RAPGEF6: variants seen among roughly 807,000 people sequenced by gnomAD.
RAPGEF6 encodes the protein Rap guanine nucleotide exchange factor 6.
A neutral mutation model predicts 171.4 loss-of-function variants in RAPGEF6; 56 were observed. That is an observed-to-expected ratio of 0.33 (90% CI 0.26 to 0.41). RAPGEF6 has a LOEUF of 0.41. RAPGEF6 is among the 10% of genes least tolerant of loss of function. The pLI, the probability that RAPGEF6 is intolerant of heterozygous loss-of-function variation, is 1.00. For missense variants in RAPGEF6, 1,674 were observed against 1,921.4 expected (o/e 0.87, Z 2.41); for synonymous variants, 692 against 650.1 (o/e 1.06, Z -0.98).
At chr5:131,519,993 G>A (rs570514967) in intron 7 of RAPGEF6, among the ~76,000 whole-genome samples, 1 of 152,070 alleles carries the variant, frequency 6.6e-6, no homozygotes, top group African/African-American at 2.4e-5. Flanking sequence ...GGAGAACAGG[G>A]AAAAATTCCT....
In RAPGEF6 at chr5:131,430,591, A is replaced by C. The variant is rs1751637687; in HGVS notation, c.4465+268T>G. ...CGATGATATTCCTCAATAAAACCAA[A>C]AAGAACTTAAAAACAAAAGACAAAC... On this transcript the variant is annotated intron_variant, in intron 26 of 27. Coordinates refer to ENST00000509018, the MANE Select transcript of RAPGEF6 (RefSeq NM_016340.6). 2.3e-5 allele frequency: 13 copies of C among 553,970 alleles called. 1 individual carries two copies. The highest frequency in any genetic ancestry group is 2.1e-4 in the South Asian group (13 of 61,182). The allele number at this position is 553,970 out of a possible 1,614,324, so 34.3% of individuals were successfully genotyped here. A position where few individuals can be genotyped will look rare whatever the true frequency, so the allele number is the denominator to read the frequency against.
intron 1 of RAPGEF6, among the ~76,000 whole-genome samples, chr5:131,605,539 C>T (rs996073734): frequency 1.1e-4 from 16 of 152,102 alleles, no homozygotes; most frequent in Non-Finnish European, 2.2e-4. Flanking sequence ...CTTAAATTCG[C>T]TATAAAAAAC....
At position 131,431,022 on chromosome 5, in the gene RAPGEF6, G is replaced by C; in HGVS notation, c.4302C>G (p.Thr1434=). ...CKGSLERKSW[T]SSSSLSDTYE... is the part of the protein sequence containing the mutation. ...ACGTGTCAGACAGAGAACTGGAGGA[G>C]GTCCAACTCTTTCTCTCTAGGCTTC... The change falls in exon 26 of 28, where the codon ACC becomes ACG. Residue 1434 remains threonine (T), a synonymous_variant. Coordinates refer to ENST00000509018, the MANE Select transcript of RAPGEF6 (RefSeq NM_016340.6). 1.9e-6 allele frequency: 3 copies of C among 1,614,152 alleles called. No individual in the cohort carries two copies. The highest frequency in any genetic ancestry group is 1.7e-6 in the Non-Finnish European group (2 of 1,180,022).
intron 12 of RAPGEF6, 114 bp downstream of exon 12, chr5:131,498,329 T>C: frequency 1.0e-6 from 1 of 961,888 alleles, no homozygotes; most frequent in Non-Finnish European, 1.5e-6. Context: ...TTCATTAATT[T>C]TTTTAGGTGT....
At chr5:131,602,181 T>C (rs1417060343) in intron 3 of RAPGEF6, among the ~76,000 whole-genome samples, 1 of 152,236 alleles carries the variant, frequency 6.6e-6, no homozygotes, top group Non-Finnish European at 1.5e-5. Context: ...GATTTCATCA[T>C]GCTAACATCA....
At chr5:131,471,634 G>A (rs143730119) in intron 17 of RAPGEF6, among the ~76,000 whole-genome samples, 108 of 152,000 alleles carry the variant, frequency 7.1e-4, no homozygotes, top group African/African-American at 2.4e-3. Context: ...TCTCAAATCC[G>A]TTAAGTGATG....
chr5:131,551,375 C>T (rs1581011654), intron 5 of RAPGEF6, among the ~76,000 whole-genome samples: 2 of 151,640 alleles, frequency 1.3e-5, no homozygotes, highest in Non-Finnish European at 1.5e-5. Context: ...TAGCCAGGCG[C>T]GGTGGCAGGC....
At chr5:131,530,904 T>A (rs1187127929) in intron 6 of RAPGEF6, among the ~76,000 whole-genome samples, 2 of 152,218 alleles carry the variant, frequency 1.3e-5, no homozygotes, top group East Asian at 3.8e-4. Context: ...TAAACCTTTG[T>A]AGTATAGTGC....
At chr5:131,481,510 G>A (rs753923466) in intron 15 of RAPGEF6, among the ~76,000 whole-genome samples, 2 of 152,074 alleles carry the variant, frequency 1.3e-5, no homozygotes, top group Admixed American at 6.5e-5. Flanking sequence ...GATTACAGGC[G>A]TTAAGCCACC....
chr5:131,480,591 G>A (rs193458), intron 15 of RAPGEF6, among the ~76,000 whole-genome samples: 2 of 151,974 alleles, frequency 1.3e-5, no homozygotes, highest in East Asian at 3.9e-4. Flanking sequence ...CGATTCTCTT[G>A]CCTCGGCTTC....
At chr5:131,489,694 T>G (rs1756154428) in intron 14 of RAPGEF6, 40 bp from the exon 15 acceptor site, 1 of 1,111,156 alleles carries the variant, frequency 9.0e-7, no homozygotes, top group South Asian at 1.5e-5. Context: ...TACAGAACAG[T>G]ATTAGTTACT....
intron 20 of RAPGEF6, among the ~76,000 whole-genome samples, chr5:131,454,643 A>T (rs1274312044): frequency 6.6e-6 from 1 of 152,200 alleles, no homozygotes; most frequent in Non-Finnish European, 1.5e-5. Context: ...CTTACCAGAA[A>T]TGAGACATAG....
chr5:131,434,673 T>C (rs765374215), intron 24 of RAPGEF6, among the ~76,000 whole-genome samples: 1 of 152,234 alleles, frequency 6.6e-6, no homozygotes, highest in Non-Finnish European at 1.5e-5. Flanking sequence ...AAAAACAGCA[T>C]CTACATGTTC....
chr5:131,511,985 T>C (rs1400813924), intron 7 of RAPGEF6, among the ~76,000 whole-genome samples: 4 of 152,072 alleles, frequency 2.6e-5, no homozygotes, highest in African/African-American at 9.7e-5. Flanking sequence ...TGGAAGAATA[T>C]GAGAGTAGGC....
chr5:131,487,276 C>G (rs1486496053), intron 15 of RAPGEF6, among the ~76,000 whole-genome samples: 2 of 152,164 alleles, frequency 1.3e-5, no homozygotes, highest in African/African-American at 4.8e-5. Flanking sequence ...TGAGCAGCAG[C>G]AAGATTTATT....
rs114853405 is a variant in RAPGEF6, at chr5:131,574,095, A to T, written c.282-12048T>A. On this transcript the variant is annotated intron_variant, in intron 4 of 27. Transcript: ENST00000509018. ...AAAACCTTCAGAACATCCAAGCCAC[A>T]GCTCCCATGGGCTCCATCAAAACCT... is the stretch of plus-strand genomic sequence containing the variant. 7.3e-3 allele frequency among the ~76,000 whole-genome samples: 1,114 copies of T among 152,280 alleles called. 8 individuals carry two copies. The highest frequency in any genetic ancestry group is 0.025 in the African/African-American group (1,031 of 41,552).
At chr5:131,585,110 T>C (rs968163757) in intron 4 of RAPGEF6, among the ~76,000 whole-genome samples, 1 of 152,098 alleles carries the variant, frequency 6.6e-6, no homozygotes, top group Non-Finnish European at 1.5e-5. Context: ...CACACACATA[T>C]GTGGATATTT....
Position 131,584,427 on chromosome 5 carries a change from C to T in RAPGEF6, c.281+7956G>A, listed in dbSNP as rs569696549. Among the ~76,000 whole-genome samples the T allele has an allele frequency of 7.9e-5, 12 of 152,240 alleles. No individual in the cohort carries two copies. In the South Asian group the frequency reaches 1.0e-3, roughly 13 times the overall value. ...ACTGCCCTCAATCATTCCTTGGCCC[C>T]GGCCACCCTAACTTTAGGAAACATT... On this transcript the variant is annotated intron_variant, in intron 4 of 27. Transcript: ENST00000509018.
chr5:131,574,589 T>G (rs1762496579), intron 4 of RAPGEF6, among the ~76,000 whole-genome samples: 1 of 152,136 alleles, frequency 6.6e-6, no homozygotes, highest in East Asian at 1.9e-4. Flanking sequence ...TATGCACTCT[T>G]TTTTAGTTCT....
Sources: allele counts gnomAD v4.1 joint callset (sites outside exome capture counted in the v4.1 genomes callset), GRCh38; gene constraint gnomAD v4.1.1; transcripts MANE v1.5; gene names NCBI Gene and HGNC (gene_info 2026-07-23, HGNC 2026-07-21).